TPST2: variants seen among roughly 807,000 people sequenced by gnomAD.
TPST2 encodes tyrosylprotein sulfotransferase 2.
In TPST2, 16 loss-of-function variants were observed where a neutral mutation model predicts 27.8. The ratio of observed to expected loss-of-function variants is 0.58; its 90% confidence interval spans 0.39 to 0.88. The LOEUF (loss-of-function observed/expected upper bound fraction) is 0.88. Among genes scored for constraint, TPST2 ranks in the 40% least tolerant of loss-of-function variants. The probability of loss-of-function intolerance (pLI) is 0.00; values close to 1 mark genes in which losing one functional copy is unlikely to be tolerated. For synonymous variants in TPST2, 229 were observed against 231.7 expected (o/e 0.99, Z 0.10); for missense variants, 464 against 543.1 (o/e 0.85, Z 1.45).
At chr22:26,568,077 C>T (rs1467638167) in intron 1 of TPST2, among the ~76,000 whole-genome samples, 1 of 152,182 alleles carries the variant, frequency 6.6e-6, no homozygotes, top group Non-Finnish European at 1.5e-5. Flanking sequence ...ATGAGAAATG[C>T]ATTCAACTGT....
intron 1 of TPST2, among the ~76,000 whole-genome samples, chr22:26,557,509 A>G (rs1364301238): frequency 6.6e-6 from 1 of 152,160 alleles, no homozygotes; most frequent in African/African-American, 2.4e-5. Flanking sequence ...GAATCTACCG[A>G]TGAGAAATCA....
At chr22:26,583,637 C>T (rs559288212) in intron 1 of TPST2, among the ~76,000 whole-genome samples, 2 of 151,818 alleles carry the variant, frequency 1.3e-5, no homozygotes, top group South Asian at 2.1e-4. Flanking sequence ...AGGCGGAGTT[C>T]GAGACCAGCC....
At chr22:26,570,707 G>A (rs1927595218) in intron 1 of TPST2, among the ~76,000 whole-genome samples, 1 of 150,246 alleles carries the variant, frequency 6.7e-6, no homozygotes, top group African/African-American at 2.5e-5. Context: ...TGTTGAGCCT[G>A]GTCCTTTCCC....
At chr22:26,549,995 A>G (rs5752343) in intron 1 of TPST2, among the ~76,000 whole-genome samples, 76,964 of 148,654 alleles carry the variant, frequency 0.52, 20,214 homozygotes, top group Non-Finnish European at 0.57. Flanking sequence ...AGCCGAGATC[A>G]TGCCACTGCA....
intron 1 of TPST2, among the ~76,000 whole-genome samples, chr22:26,569,395 G>A (rs1927509864): frequency 2.0e-5 from 3 of 152,182 alleles, no homozygotes; most frequent in Admixed American, 2.0e-4. Context: ...CCAGGTGCTG[G>A]TCACACAGAC....
At chr22:26,557,666 C>T (rs945253151) in intron 1 of TPST2, among the ~76,000 whole-genome samples, 1 of 151,690 alleles carries the variant, frequency 6.6e-6, no homozygotes, top group Admixed American at 6.6e-5. Context: ...GGAGGGGACA[C>T]AGGCTCTCTC....
At chr22:26,531,310 T>C (rs1281420097) in intron 5 of TPST2, among the ~76,000 whole-genome samples, 1 of 152,172 alleles carries the variant, frequency 6.6e-6, no homozygotes, top group African/African-American at 2.4e-5. Context: ...AGCACATGCA[T>C]TCCACAGAAC....
chr22:26,574,604 C>T (rs1400261410), intron 1 of TPST2, among the ~76,000 whole-genome samples: 1 of 152,240 alleles, frequency 6.6e-6, no homozygotes, highest in African/African-American at 2.4e-5. Context: ...GAGACAAATA[C>T]AAGTCCCTTG....
chr22:26,570,234 A>G (rs930211220), intron 1 of TPST2, among the ~76,000 whole-genome samples: 3 of 151,808 alleles, frequency 2.0e-5, no homozygotes, highest in African/African-American at 7.3e-5. Flanking sequence ...CTTTGCATTC[A>G]TTCAATCAAC....
chr22:26,554,281 G>T (rs1926658038), intron 1 of TPST2, among the ~76,000 whole-genome samples: 1 of 152,166 alleles, frequency 6.6e-6, no homozygotes, highest in South Asian at 2.1e-4. Flanking sequence ...GCCCGGCTCA[G>T]ACTCCTGGAC....
chr22:26,550,748 G>C, intron 1 of TPST2: 1 of 739,956 alleles, frequency 1.4e-6, no homozygotes. Flanking sequence ...CACCCACCAC[G>C]CCTCAACCTT....
At chr22:26,582,969 G>A (rs1569198493) in intron 1 of TPST2, among the ~76,000 whole-genome samples, 1 of 152,050 alleles carries the variant, frequency 6.6e-6, no homozygotes, top group Non-Finnish European at 1.5e-5. Flanking sequence ...CACACAGGGA[G>A]TATGCAATGG....
chr22:26,562,056 C>A (rs1022462073), intron 1 of TPST2, among the ~76,000 whole-genome samples: 1 of 152,230 alleles, frequency 6.6e-6, no homozygotes, highest in African/African-American at 2.4e-5. Context: ...AAGCAGTCAA[C>A]AAGCTGGGGG....
chr22:26,536,787 A>C (rs1925498138), intron 3 of TPST2, among the ~76,000 whole-genome samples: 1 of 152,228 alleles, frequency 6.6e-6, no homozygotes, highest in Non-Finnish European at 1.5e-5. Flanking sequence ...GGTCAGGCAC[A>C]GTGGCTCACA....
intron 1 of TPST2, among the ~76,000 whole-genome samples, chr22:26,578,375 C>G (rs1927943617): frequency 6.6e-6 from 1 of 152,140 alleles, no homozygotes; most frequent in Non-Finnish European, 1.5e-5. Context: ...ACACAAAATG[C>G]AGATTATCAG....
At position 26,577,631 on chromosome 22, in the gene TPST2, G is replaced by A. The variant is rs376453310; in HGVS notation, c.-161+12422C>T. On this transcript the variant is annotated intron_variant, in intron 1 of 6. Coordinates refer to ENST00000338754, the MANE Select transcript of TPST2 (RefSeq NM_003595.5). Reference sequence around the variant, plus strand: ...CCCAAAGTGCTGGGATTACAGGTGTGAGCCACTGCACCCGGCCATTTTTTT... The same window carrying A: ...CCCAAAGTGCTGGGATTACAGGTGTAAGCCACTGCACCCGGCCATTTTTTT... Among the ~76,000 whole-genome samples the A allele has an allele frequency of 2.7e-5, 4 of 150,088 alleles. No homozygotes were observed. The East Asian group carries it at 5.9e-4, about 22-fold the overall frequency.
chr22:26,583,075 G>A (rs1174111949), intron 1 of TPST2, among the ~76,000 whole-genome samples: 1 of 147,912 alleles, frequency 6.8e-6, no homozygotes, highest in Non-Finnish European at 1.5e-5. Context: ...TCACACCACT[G>A]CACTCTAGCT....
At chr22:26,548,531 C>G (rs1462075074) in intron 1 of TPST2, among the ~76,000 whole-genome samples, 3 of 24,442 alleles carry the variant, frequency 1.2e-4, no homozygotes, top group African/African-American at 2.0e-4. Context: ...AGAAGAAAAG[C>G]AAGGAAGGAG....
chr22:26,563,331 C>CTTT (rs369020254), intron 1 of TPST2, among the ~76,000 whole-genome samples: 1 of 133,668 alleles, frequency 7.5e-6, no homozygotes. Context: ...CCCTCTTCTT[C>CTTT]TTTTTTTTTT....
Sources: allele counts gnomAD v4.1 joint callset (sites outside exome capture counted in the v4.1 genomes callset), GRCh38; gene constraint gnomAD v4.1.1; transcripts MANE v1.5; gene names NCBI Gene and HGNC (gene_info 2026-07-23, HGNC 2026-07-21).